Variants in SLC35H1 observed in about 807,000 individuals in gnomAD.
SLC35H1 encodes the protein solute carrier family 35 member H1.
chr20:46,351,471 T>A, the SLC35H1 span, among the ~76,000 whole-genome samples: 1 of 152,116 alleles, frequency 6.6e-6, no homozygotes, highest in Non-Finnish European at 1.5e-5. Flanking sequence ...AGTCCCTCCC[T>A]GCCCCTGAAC....
the SLC35H1 span, chr20:46,356,756 G>C: frequency 1.2e-6 from 1 of 846,310 alleles, no homozygotes; most frequent in South Asian, 1.6e-5. Flanking sequence ...GCCTCCTGTG[G>C]GGCCCTTGGG....
At chr20:46,358,484 A>G in the SLC35H1 span, 1 of 1,614,218 alleles carries the variant, frequency 6.2e-7, no homozygotes, top group Non-Finnish European at 8.5e-7. Context: ...CAAAAAGGCC[A>G]CATCGAGGGC....
the SLC35H1 span, chr20:46,355,036 G>A: frequency 6.2e-7 from 1 of 1,613,816 alleles, no homozygotes; most frequent in Non-Finnish European, 8.5e-7. This position sits in a 1 kb window ranked among gnomAD's most constrained non-coding sequence, Gnocchi z 4.8. Flanking sequence ...CCTGTGCCGG[G>A]GTTCCTCTCT....
the SLC35H1 span, chr20:46,355,835 C>T: frequency 1.2e-6 from 2 of 1,613,988 alleles, no homozygotes. This position sits in a 1 kb window ranked among gnomAD's most constrained non-coding sequence, Gnocchi z 4.8. Flanking sequence ...GAGAGAAGAT[C>T]AAGATGAAGA....
At chr20:46,351,734 G>A in the SLC35H1 span, among the ~76,000 whole-genome samples, 1 of 152,258 alleles carries the variant, frequency 6.6e-6, no homozygotes, top group African/African-American at 2.4e-5. Context: ...GGCAGTCAAG[G>A]TAAAATGTGA....
At chr20:46,356,397 C>T in the SLC35H1 span, among the ~76,000 whole-genome samples, 4,583 of 152,280 alleles carry the variant, frequency 0.03, 208 homozygotes, top group African/African-American at 0.1. Context: ...GCTGGGCTTA[C>T]GGAAGAGGCT....
chr20:46,359,562 G>C, the SLC35H1 span, among the ~76,000 whole-genome samples: 6 of 152,152 alleles, frequency 3.9e-5, no homozygotes, highest in Middle Eastern at 3.2e-3. Context: ...CTGGAACACT[G>C]TAAGACCAGG....
At chr20:46,350,292 C>A in the SLC35H1 span, 1 of 1,435,208 alleles carries the variant, frequency 7.0e-7, no homozygotes, top group South Asian at 1.4e-5. Context: ...GACTCCCGTC[C>A]ACAGCTCCCA....
chr20:46,354,998 G>T, the SLC35H1 span: 30 of 1,613,818 alleles, frequency 1.9e-5, no homozygotes, highest in African/African-American at 4.0e-4. Flanking sequence ...CATCAGGTCT[G>T]GTCCGGCCCT....
At chr20:46,354,802 G>C in the SLC35H1 span, 2 of 1,269,144 alleles carry the variant, frequency 1.6e-6, no homozygotes. Flanking sequence ...AATCTCTGCA[G>C]CTACCACTGT....
At chr20:46,359,308 G>A in the SLC35H1 span, among the ~76,000 whole-genome samples, 278 of 152,240 alleles carry the variant, frequency 1.8e-3, no homozygotes, top group African/African-American at 6.1e-3. Context: ...TTGCTTTCAC[G>A]GCTCTCCTAC....
the SLC35H1 span, chr20:46,355,096 AT>A: frequency 6.2e-7 from 1 of 1,614,120 alleles, no homozygotes. This position sits in a 1 kb window ranked among gnomAD's most constrained non-coding sequence, Gnocchi z 4.8. Context: ...CTGCAGGAGC[AT>A]CTGGGTGAGG....
At chr20:46,352,448 G>A in the SLC35H1 span, 1 of 552,158 alleles carries the variant, frequency 1.8e-6, no homozygotes, top group Non-Finnish European at 3.2e-6. Context: ...CAGAGCGCCT[G>A]GGGGCAATAC....
At chr20:46,351,090 C>G in the SLC35H1 span, among the ~76,000 whole-genome samples, 1 of 152,216 alleles carries the variant, frequency 6.6e-6, no homozygotes, top group African/African-American at 2.4e-5. Context: ...TTGTGAGATG[C>G]AACAAAGGAG....
chr20:46,356,702 A>G, the SLC35H1 span: 5 of 1,483,460 alleles, frequency 3.4e-6, no homozygotes, highest in Non-Finnish European at 9.3e-7. Flanking sequence ...GTGGGCTGGT[A>G]CCCTGAGGCA....
the SLC35H1 span, among the ~76,000 whole-genome samples, chr20:46,359,415 C>G: frequency 0.59 from 89,565 of 152,092 alleles, 29,234 homozygotes; most frequent in Non-Finnish European, 0.71. Context: ...TAAGACCACA[C>G]TGGCCTTACG....
At chr20:46,351,972 C>A in the SLC35H1 span, 1 of 1,461,662 alleles carries the variant, frequency 6.8e-7, no homozygotes, top group Non-Finnish European at 9.3e-7. Flanking sequence ...GGTGCAGGAG[C>A]TGGGACTGAA....
At chr20:46,346,441 TGTAAAA>T in the SLC35H1 span, 1 of 152,090 alleles carries the variant, frequency 6.6e-6, no homozygotes, top group Non-Finnish European at 1.5e-5. Flanking sequence ...AGTTAGAACC[TGTAAAA>T]TCCCCACTTT....
the SLC35H1 span, chr20:46,350,983 G>C: frequency 6.6e-7 from 1 of 1,511,742 alleles, no homozygotes; most frequent in Non-Finnish European, 9.0e-7. Flanking sequence ...GGTACACTCA[G>C]GTGGGCAGAT....
Sources: gnomAD v4.1 joint callset for allele counts (sites outside exome capture counted in the v4.1 genomes callset) on GRCh38, gnomAD v4.1.1 for gene constraint, Gnocchi (gnomAD v3.1) non-coding constraint, MANE v1.5 for transcripts, NCBI Gene and HGNC (gene_info 2026-07-23, HGNC 2026-07-21) for gene names.